The following AGBL4 variants were observed in gnomAD, a reference collection of about 807,000 sequenced individuals.
The protein encoded by AGBL4 is AGBL carboxypeptidase 4.
Under a neutral mutation model 66.4 loss-of-function variants are expected in AGBL4, and 58 were observed. That is an observed-to-expected ratio of 0.87 (90% CI 0.71 to 1.09). AGBL4 has a LOEUF of 1.09. Ranked by LOEUF, AGBL4 falls within the 50% of genes least tolerant of loss-of-function variation. AGBL4 has a pLI of 0.00. For synonymous variants in AGBL4, 234 were observed against 222.9 expected (o/e 1.05, Z -0.44); for missense variants, 579 against 631.0 (o/e 0.92, Z 0.88).
intron 4 of AGBL4, among the ~76,000 whole-genome samples, chr1:49,129,239 T>C (rs1645831966): frequency 6.6e-6 from 1 of 152,128 alleles, no homozygotes; most frequent in Admixed American, 6.6e-5. Context: ...CCTGAACTTT[T>C]ATACACTGCT....
chr1:48,975,325 A>G (rs1203036166), intron 5 of AGBL4, among the ~76,000 whole-genome samples: 4 of 152,130 alleles, frequency 2.6e-5, no homozygotes, highest in Admixed American at 6.6e-5. Context: ...GAGCCCACAG[A>G]AAGAGAAGAC....
intron 4 of AGBL4, among the ~76,000 whole-genome samples, chr1:49,198,196 G>A (rs1003142886): frequency 3.9e-5 from 6 of 152,066 alleles, no homozygotes; most frequent in South Asian, 2.1e-4. Flanking sequence ...GGCTTCACTC[G>A]CAGTTTTCTG....
chr1:49,095,621 A>T lies in AGBL4; in HGVS notation c.378-49821T>A, dbSNP rs541643788. 2.2e-3 allele frequency among the ~76,000 whole-genome samples: 336 copies of T among 152,188 alleles called. 3 individuals are homozygous for T. Among genetic ancestry groups the T allele is most frequent in the African/African-American group, 7.6e-3 (316 of 41,528 alleles). ...CCCTATTTAATAAATGGTGCTGGGA[A>T]AACTGGCTAGCCATATGTAGAAAGC... On this transcript the variant is annotated intron_variant, in intron 4 of 13. Coordinates refer to ENST00000371839, the MANE Select transcript of AGBL4 (RefSeq NM_032785.4).
intron 3 of AGBL4, chr1:49,374,360 A>C (rs909815543): frequency 5.9e-5 from 9 of 151,896 alleles, no homozygotes; most frequent in African/African-American, 1.2e-4. Context: ...AAAAAAAAAC[A>C]AAAAACCTTG....
intron 9 of AGBL4, among the ~76,000 whole-genome samples, chr1:48,631,696 G>A (rs563736263): frequency 3.9e-4 from 60 of 152,036 alleles, no homozygotes; most frequent in Non-Finnish European, 8.1e-4. Context: ...ATCTGGCCTC[G>A]CATCATTTTT....
rs568107065 is a variant in AGBL4 at position 48,862,297 on chromosome 1, T to A, written c.634+4894A>T. 5.3e-5 allele frequency among the ~76,000 whole-genome samples: 8 copies of A among 152,280 alleles called. No homozygotes were observed. In the East Asian group the frequency reaches 1.5e-3, roughly 29 times the overall value. On this transcript the variant is annotated intron_variant, in intron 6 of 13. Transcript: ENST00000371839. ...TTCTCCTTTAAAAGTGCCGGCTTCT[T>A]CCCCTAAGATAGTTTTGGGATTAAA...
intron 3 of AGBL4, among the ~76,000 whole-genome samples, chr1:49,646,272 A>C (rs570800984): frequency 6.6e-6 from 1 of 152,050 alleles, no homozygotes; most frequent in Non-Finnish European, 1.5e-5. Context: ...GCTGACATGA[A>C]TGTCTATACA....
chr1:49,221,090 GA>G (rs1649460716), intron 4 of AGBL4, among the ~76,000 whole-genome samples: 1 of 152,096 alleles, frequency 6.6e-6, no homozygotes, highest in Non-Finnish European at 1.5e-5. Flanking sequence ...AAAACTTAGG[GA>G]AGTATCTAGA....
intron 3 of AGBL4, among the ~76,000 whole-genome samples, chr1:49,462,892 G>A (rs967297484): frequency 2.6e-5 from 4 of 151,650 alleles, no homozygotes; most frequent in African/African-American, 9.7e-5. Context: ...TGGCAATAAG[G>A]TTACTTGAAA....
rs539498579 is a variant in AGBL4, at chr1:49,193,473, C to T, written c.377+52297G>A. On this transcript the variant is annotated intron_variant, in intron 4 of 13. Transcript: ENST00000371839. The stretch of plus-strand genomic sequence containing the variant: ...CATTGACCCAAAGATCATTCAGGAG[C>T]ATGTTGTTTAATCTCCATGTATTTG... Among the ~76,000 whole-genome samples the T allele has an allele frequency of 4.0e-5, 6 of 151,328 alleles. No homozygotes were observed. In the East Asian group the frequency reaches 9.7e-4, roughly 24 times the overall value.
chr1:48,706,831 T>C (rs1311575439), intron 6 of AGBL4, among the ~76,000 whole-genome samples: 1 of 152,218 alleles, frequency 6.6e-6, no homozygotes. Context: ...CTGGATATGG[T>C]ATCCAAGCTG....
In AGBL4 at chr1:48,876,796, T is replaced by G. The variant is rs547978417; in HGVS notation, c.595-9566A>C. 2.0e-4 allele frequency among the ~76,000 whole-genome samples: 31 copies of G among 152,372 alleles called. 1 individual carries two copies. Among genetic ancestry groups the G allele is most frequent in the African/African-American group, 7.2e-4 (30 of 41,588 alleles). On this transcript the variant is annotated intron_variant, in intron 5 of 13. Transcript: ENST00000371839. ...TTTGTTGCAGATGTGATGTTTTAGC[T>G]TATTGACAGAGCAAGTTTCATGATT... is the stretch of plus-strand genomic sequence containing the variant.
At chr1:48,805,518 C>T (rs564465918) in intron 6 of AGBL4, among the ~76,000 whole-genome samples, 1 of 152,126 alleles carries the variant, frequency 6.6e-6, no homozygotes, top group Non-Finnish European at 1.5e-5. Context: ...CCTAAGATTT[C>T]ATAGTCAAAG....
intron 4 of AGBL4, among the ~76,000 whole-genome samples, chr1:49,235,570 G>T (rs1034337747): frequency 1.3e-5 from 2 of 152,182 alleles, no homozygotes; most frequent in Non-Finnish European, 2.9e-5. Flanking sequence ...ATATCTTCTA[G>T]ATTCTATTTC....
intron 6 of AGBL4, among the ~76,000 whole-genome samples, chr1:48,809,555 G>A (rs1646003469): frequency 6.6e-6 from 1 of 152,146 alleles, no homozygotes; most frequent in African/African-American, 2.4e-5. Context: ...AATGCCACTT[G>A]GAGACATCTA....
intron 4 of AGBL4, among the ~76,000 whole-genome samples, chr1:49,230,052 T>C (rs1650194143): frequency 6.6e-6 from 1 of 152,222 alleles, no homozygotes; most frequent in Non-Finnish European, 1.5e-5. Context: ...AGGTAGAGCC[T>C]GTCTTCACAC....
chr1:49,962,891 T>A (rs1378305684), intron 1 of AGBL4, among the ~76,000 whole-genome samples: 1 of 152,118 alleles, frequency 6.6e-6, no homozygotes, highest in Non-Finnish European at 1.5e-5. Flanking sequence ...ATAAATTGAT[T>A]AAATCAAGGT....
intron 2 of AGBL4, among the ~76,000 whole-genome samples, chr1:49,832,891 T>G (rs1200301322): frequency 6.6e-6 from 1 of 152,136 alleles, no homozygotes; most frequent in African/African-American, 2.4e-5. Flanking sequence ...TTCTGGATAT[T>G]AGCCCTTTGT....
intron 5 of AGBL4, among the ~76,000 whole-genome samples, chr1:49,040,517 A>G (rs951593676): frequency 6.6e-6 from 1 of 152,140 alleles, no homozygotes; most frequent in Non-Finnish European, 1.5e-5. Flanking sequence ...TCATAGCAGC[A>G]TTATTCATAA....
Sources: allele counts gnomAD v4.1 joint callset (sites outside exome capture counted in the v4.1 genomes callset), GRCh38; gene constraint gnomAD v4.1.1; transcripts MANE v1.5; gene names NCBI Gene and HGNC (gene_info 2026-07-23, HGNC 2026-07-21).